The following OIP5 variants were observed in gnomAD, a reference collection of about 807,000 sequenced individuals.
OIP5 encodes the protein Opa interacting protein 5.
Under a neutral mutation model 20.3 loss-of-function variants are expected in OIP5, and 24 were observed. The observed-to-expected ratio is 1.18, with a 90% confidence interval of 0.86 to 1.66. OIP5 has a LOEUF of 1.66. Ranked by LOEUF, OIP5 falls within the 40% of genes most tolerant of loss-of-function variation. The probability of loss-of-function intolerance (pLI) is 0.00; values close to 1 mark genes in which losing one functional copy is unlikely to be tolerated. For missense variants in OIP5, 339 were observed against 289.5 expected (o/e 1.17, Z -1.24); for synonymous variants, 143 against 121.3 (o/e 1.18, Z -1.17).
chr15:41,320,878 G>A (rs886675401), intron 2 of OIP5, among the ~76,000 whole-genome samples: 1 of 151,500 alleles, frequency 6.6e-6, no homozygotes, highest in Admixed American at 6.6e-5. Context: ...AGGAAGTGAG[G>A]AGCGTCTCTG....
intron 4 of OIP5, among the ~76,000 whole-genome samples, chr15:41,311,104 A>G (rs2047751049): frequency 6.6e-6 from 1 of 152,144 alleles, no homozygotes; most frequent in African/African-American, 2.4e-5. Context: ...CCTGGCACTC[A>G]CACCTGTAAT....
At chr15:41,316,451 T>C (rs1277839164) in intron 3 of OIP5, among the ~76,000 whole-genome samples, 6 of 152,096 alleles carry the variant, frequency 3.9e-5, no homozygotes, top group Admixed American at 6.6e-5. Flanking sequence ...TTTTATTGTT[T>C]AGTCAACCAT....
At chr15:41,320,085 A>C (rs376452838) in intron 2 of OIP5, among the ~76,000 whole-genome samples, 110 of 152,324 alleles carry the variant, frequency 7.2e-4, no homozygotes, top group African/African-American at 2.3e-3. Flanking sequence ...TCTGATTAAC[A>C]TTTAAACATT....
chr15:41,318,696 A>G (rs2047803582), intron 3 of OIP5, among the ~76,000 whole-genome samples: 1 of 149,552 alleles, frequency 6.7e-6, no homozygotes, highest in Admixed American at 6.7e-5. Flanking sequence ...ATGTTATAAG[A>G]TTATATTTTG....
intron 2 of OIP5, among the ~76,000 whole-genome samples, chr15:41,323,894 T>A (rs2140464484): frequency 6.6e-6 from 1 of 152,328 alleles, no homozygotes; most frequent in South Asian, 2.1e-4. Context: ...ACTTTCATTT[T>A]CTGTAGCTTC....
intron 3 of OIP5, among the ~76,000 whole-genome samples, chr15:41,314,110 T>C (rs1265620357): frequency 1.3e-5 from 2 of 150,346 alleles, no homozygotes; most frequent in Non-Finnish European, 3.0e-5. Flanking sequence ...GTTCCTCACT[T>C]TTTTTTTTTG....
At chr15:41,313,430 G>C in intron 3 of OIP5, 76 bp from the exon 4 acceptor site, 1 of 804,618 alleles carries the variant, frequency 1.2e-6, no homozygotes, top group Non-Finnish European at 2.0e-6. Context: ...ACCTTCTAAA[G>C]AAAGTATGTG....
Position 41,326,075 on chromosome 15 carries a change from T to C in OIP5, c.389+5840A>G, listed in dbSNP as rs1417954485. On this transcript the variant is annotated intron_variant, in intron 2 of 4. Coordinates refer to ENST00000220514, the MANE Select transcript of OIP5 (RefSeq NM_007280.2). ...TACTAGGGAGGCTAAGGCAGAAGAA[T>C]TGCTTGAAGCCAGGGGGCAGAGGTT... 2.0e-5 allele frequency among the ~76,000 whole-genome samples: 3 copies of C among 152,284 alleles called. No individual in the cohort carries two copies. The East Asian group carries it at 5.8e-4, about 29-fold the overall frequency.
chr15:41,329,313 G>GTTT (rs760717935), intron 2 of OIP5, among the ~76,000 whole-genome samples: 5 of 121,262 alleles, frequency 4.1e-5, no homozygotes, highest in African/African-American at 6.1e-5. Flanking sequence ...TTTCCCTCTA[G>GTTT]TTTTTTTTTT....
intron 2 of OIP5, among the ~76,000 whole-genome samples, chr15:41,322,311 G>A (rs1484630100): frequency 6.6e-6 from 1 of 152,120 alleles, no homozygotes; most frequent in Non-Finnish European, 1.5e-5. Flanking sequence ...AGCACTTTAA[G>A]AAAATATTTC....
intron 4 of OIP5, among the ~76,000 whole-genome samples, chr15:41,310,628 CA>C (rs1240547687): frequency 0.088 from 5,289 of 60,388 alleles, 136 homozygotes; most frequent in African/African-American, 0.19. Context: ...GACTCCGTCT[CA>C]AAAAAAAAAA....
At chr15:41,318,957 C>A (rs2047805111) in intron 3 of OIP5, among the ~76,000 whole-genome samples, 1 of 152,108 alleles carries the variant, frequency 6.6e-6, no homozygotes, top group Admixed American at 6.6e-5. Flanking sequence ...CCCACCTTGG[C>A]CTCACAAAGC....
At position 41,309,650 on chromosome 15, in the gene OIP5, C is replaced by T. The variant is rs899136394; in HGVS notation, c.*104G>A. ...TAAAGGTAAATAGAAACTGCATTTCCCCTCCATTCTTGAAGCCAATCTTTT... is the reference window on the plus strand; with the variant it reads ...TAAAGGTAAATAGAAACTGCATTTCTCCTCCATTCTTGAAGCCAATCTTTT... On this transcript the variant is annotated 3_prime_UTR_variant, in exon 5 of 5. Coordinates refer to ENST00000220514, the MANE Select transcript of OIP5 (RefSeq NM_007280.2). 5.0e-5 allele frequency: 35 copies of T among 701,732 alleles called. 1 individual carries two copies. The highest frequency in any genetic ancestry group is 7.0e-5 in the Non-Finnish European group (29 of 414,272). The allele number at this position is 701,732 out of a possible 1,614,324, so 43.5% of individuals were successfully genotyped here.
chr15:41,331,482 G>A (rs925523262), intron 2 of OIP5, among the ~76,000 whole-genome samples: 2 of 152,174 alleles, frequency 1.3e-5, no homozygotes, highest in African/African-American at 4.8e-5. Context: ...TACTCCGGAG[G>A]GTGAGGTTGG....
At chr15:41,310,494 G>A (rs1463155168) in intron 4 of OIP5, among the ~76,000 whole-genome samples, 1 of 152,116 alleles carries the variant, frequency 6.6e-6, no homozygotes, top group Non-Finnish European at 1.5e-5. Context: ...GCTGGGCACG[G>A]TGGCGGGCGC....
At chr15:41,328,505 G>C (rs1170402786) in intron 2 of OIP5, among the ~76,000 whole-genome samples, 1 of 152,090 alleles carries the variant, frequency 6.6e-6, no homozygotes, top group African/African-American at 2.4e-5. Context: ...CACAACAAAA[G>C]CTCAGGGTAA....
chr15:41,330,409 A>ATTTTTT (rs766498868), intron 2 of OIP5, among the ~76,000 whole-genome samples: 1 of 128,668 alleles, frequency 7.8e-6, no homozygotes, highest in Non-Finnish European at 1.6e-5. Context: ...CGTAATCAGT[A>ATTTTTT]TTTTTTTTTT....
rs1363551568 is a variant in OIP5 at position 41,332,440 on chromosome 15, G to A, written c.122C>T (p.Thr41Met). 3.1e-6 allele frequency: 5 copies of A among 1,614,072 alleles called. No homozygotes were observed. The highest frequency in any genetic ancestry group is 4.2e-6 in the Non-Finnish European group (5 of 1,179,942). The change falls in exon 1 of 5, where the codon ACG (threonine) becomes ATG (methionine). Residue 41 changes from threonine to methionine, a missense_variant. Physicochemically the swap from Thr to Met is moderately conservative, Grantham distance 81. Transcript: ENST00000220514. Reference sequence around the variant, plus strand: ...CGGCGAGGACCCCTTCACCACCTGCGTATCCCACTCCATGGAGGTCGTAAA... The same window carrying A: ...CGGCGAGGACCCCTTCACCACCTGCATATCCCACTCCATGGAGGTCGTAAA... ...ASFTTSMEWD[T>M]QVVKGSSPLG...
chr15:41,332,252 C>T lies in OIP5; in HGVS notation c.310G>A (p.Val104Met). The change falls in exon 1 of 5, where the codon GTG (valine) becomes ATG (methionine). Residue 104 changes from valine (V) to methionine (M), a missense_variant. Physicochemically the swap from Val to Met is conservative, Grantham distance 21 (BLOSUM62 1). Transcript: ENST00000220514. ...AWDLSRSLGA[V>M]VFSRVTNNVV... Reference sequence around the variant, plus strand: ...TCACTGCACTCACTGGAGAAGACCACGGCCCCGAGGGACCGCGACAGGTCC... The same window carrying T: ...TCACTGCACTCACTGGAGAAGACCATGGCCCCGAGGGACCGCGACAGGTCC... 6.5e-7 allele frequency: 1 copy of T among 1,546,176 alleles called. No homozygotes were observed. The highest frequency in any genetic ancestry group is 1.2e-5 in the South Asian group (1 of 80,214).
Sources: allele counts gnomAD v4.1 joint callset (sites outside exome capture counted in the v4.1 genomes callset), GRCh38; gene constraint gnomAD v4.1.1; transcripts MANE v1.5; gene names NCBI Gene and HGNC (gene_info 2026-07-23, HGNC 2026-07-21).